The following UBE2E2 variants were observed in gnomAD, a reference collection of about 807,000 sequenced individuals.
UBE2E2 encodes the protein ubiquitin-conjugating enzyme E2 E2.
Under a neutral mutation model 24.7 loss-of-function variants are expected in UBE2E2, and 6 were observed. The observed-to-expected ratio is 0.24, with a 90% confidence interval of 0.13 to 0.48. UBE2E2 has a LOEUF of 0.48. UBE2E2 is among the 20% of genes least tolerant of loss of function. The probability of loss-of-function intolerance (pLI) is 0.99; values close to 1 mark genes in which losing one functional copy is unlikely to be tolerated. For missense variants in UBE2E2, 169 were observed against 245.0 expected (o/e 0.69, Z 2.07); for synonymous variants, 104 against 83.6 (o/e 1.24, Z -1.33).
intron 3 of UBE2E2, among the ~76,000 whole-genome samples, chr3:23,457,386 A>C (rs1034226500): frequency 6.6e-6 from 1 of 152,200 alleles, no homozygotes; most frequent in African/African-American, 2.4e-5. Flanking sequence ...GTGGATACCC[A>C]AAAACCCAGG....
In UBE2E2 at chr3:23,302,920, A is replaced by G. The variant is rs1213671663; in HGVS notation, c.227+85608A>G. Among the ~76,000 whole-genome samples the G allele has an allele frequency of 2.0e-5, 3 of 152,180 alleles. No homozygotes were observed. In the East Asian group the frequency reaches 5.8e-4, roughly 29 times the overall value. ...ATTTTTCTCCTTTGTGTTGATTTTA[A>G]AACAATGAAACACATAAACCAGGGG... is the stretch of plus-strand genomic sequence containing the variant. On this transcript the variant is annotated intron_variant, in intron 3 of 5. Coordinates refer to ENST00000396703, the MANE Select transcript of UBE2E2 (RefSeq NM_152653.4).
intron 3 of UBE2E2, among the ~76,000 whole-genome samples, chr3:23,389,015 A>AG (rs1559369647): frequency 6.8e-6 from 1 of 148,136 alleles, no homozygotes; most frequent in East Asian, 1.9e-4. Flanking sequence ...AAAAAAAAAA[A>AG]AAAGAAAAAG....
Position 23,280,401 on chromosome 3 carries a change from G to C in UBE2E2, c.227+63089G>C, listed in dbSNP as rs1284032077. ...CCTCCTACAGAGAAGTGTTGACATG[G>C]ATCAGGATCACACTGGTGCCACTTT... On this transcript the variant is annotated intron_variant, in intron 3 of 5. Coordinates refer to ENST00000396703, the MANE Select transcript of UBE2E2 (RefSeq NM_152653.4). The surrounding 1 kb of genome is among the most constrained non-coding windows in gnomAD (Gnocchi z 4.3). Among the ~76,000 whole-genome samples the C allele has an allele frequency of 6.6e-6, 1 of 152,214 alleles. No individual in the cohort carries two copies. Among genetic ancestry groups the C allele is most frequent in the Non-Finnish European group, 1.5e-5 (1 of 68,042 alleles).
chr3:23,358,357 G>A (rs2036044), intron 3 of UBE2E2, among the ~76,000 whole-genome samples: 127,063 of 152,176 alleles, frequency 0.83, 53,093 homozygotes, highest in African/African-American at 0.88. Context: ...CACAGAACCA[G>A]TGGTGATGGT....
At chr3:23,267,050 A>G (rs1317226035) in intron 3 of UBE2E2, among the ~76,000 whole-genome samples, 1 of 152,186 alleles carries the variant, frequency 6.6e-6, no homozygotes. Context: ...GACACATTCA[A>G]AGCAGTGTGT....
At chr3:23,301,900 C>A (rs1285572969) in intron 3 of UBE2E2, among the ~76,000 whole-genome samples, 1 of 152,170 alleles carries the variant, frequency 6.6e-6, no homozygotes, top group Non-Finnish European at 1.5e-5. Context: ...ATCTTGGCTC[C>A]TCCCCTTCCT....
chr3:23,412,509 C>T (rs774674678), intron 3 of UBE2E2, among the ~76,000 whole-genome samples: 4 of 152,126 alleles, frequency 2.6e-5, no homozygotes, highest in Non-Finnish European at 5.9e-5. Context: ...AGGTAGGCTG[C>T]TAGTAGAATT....
chr3:23,384,685 G>GGC, intron 3 of UBE2E2, among the ~76,000 whole-genome samples: 1 of 152,244 alleles, frequency 6.6e-6, no homozygotes, highest in East Asian at 1.9e-4. Context: ...TGGGACTACA[G>GGC]GCACATGCCA....
At chr3:23,264,763 A>C (rs1203566162) in intron 3 of UBE2E2, among the ~76,000 whole-genome samples, 3 of 152,216 alleles carry the variant, frequency 2.0e-5, no homozygotes, top group Non-Finnish European at 4.4e-5. Flanking sequence ...AGCAGATAAT[A>C]TATTTAAGAT....
At chr3:23,222,332 T>C (rs1472540271) in intron 3 of UBE2E2, among the ~76,000 whole-genome samples, 6 of 152,224 alleles carry the variant, frequency 3.9e-5, no homozygotes, top group African/African-American at 1.2e-4. Flanking sequence ...ATCTCTTTGA[T>C]ACATTAATCT....
At chr3:23,486,331 GAAAGCTCA>G (rs1699370849) in intron 3 of UBE2E2, among the ~76,000 whole-genome samples, 1 of 152,162 alleles carries the variant, frequency 6.6e-6, no homozygotes, top group African/African-American at 2.4e-5. Context: ...AGTGGCACCT[GAAAGCTCA>G]GAGATGCCAG....
intron 3 of UBE2E2, among the ~76,000 whole-genome samples, chr3:23,479,333 G>A (rs933072762): frequency 7.9e-5 from 12 of 152,126 alleles, no homozygotes; most frequent in African/African-American, 2.4e-4. Flanking sequence ...TAGATCAGAC[G>A]TACCACAAGT....
intron 3 of UBE2E2, among the ~76,000 whole-genome samples, chr3:23,476,776 A>G (rs1699147778): frequency 6.6e-6 from 1 of 152,178 alleles, no homozygotes; most frequent in South Asian, 2.1e-4. Context: ...TTAATAAACT[A>G]TTCTTTGTTA....
intron 3 of UBE2E2, among the ~76,000 whole-genome samples, chr3:23,366,879 G>A (rs1439118222): frequency 6.6e-6 from 1 of 152,140 alleles, no homozygotes; most frequent in Non-Finnish European, 1.5e-5. Context: ...AAGAAAATTT[G>A]TATAACAGAA....
chr3:23,377,740 C>A (rs904578115), intron 3 of UBE2E2, among the ~76,000 whole-genome samples: 2 of 152,186 alleles, frequency 1.3e-5, no homozygotes, highest in African/African-American at 4.8e-5. Flanking sequence ...CAGTTTATCC[C>A]CCTTAGGGAT....
chr3:23,492,874 A>G (rs1354572455), intron 3 of UBE2E2, among the ~76,000 whole-genome samples: 1 of 152,174 alleles, frequency 6.6e-6, no homozygotes, highest in Non-Finnish European at 1.5e-5. Context: ...CACATTAAAA[A>G]GAAGAAAAAA....
chr3:23,371,916 A>G (rs1024216527), intron 3 of UBE2E2, among the ~76,000 whole-genome samples: 2 of 152,010 alleles, frequency 1.3e-5, no homozygotes, highest in Non-Finnish European at 2.9e-5. Flanking sequence ...TCAGGAGTTC[A>G]AGACCAGCCT....
Position 23,364,301 on chromosome 3 carries a change from T to C in UBE2E2, c.228-135307T>C, listed in dbSNP as rs185447048. On this transcript the variant is annotated intron_variant, in intron 3 of 5. Transcript: ENST00000396703. Reference sequence around the variant, plus strand: ...AGAGCTGAAATGAAGGAAACTGAGATGTAAAAAACCATACAAAAGATCAAC... The same window carrying C: ...AGAGCTGAAATGAAGGAAACTGAGACGTAAAAAACCATACAAAAGATCAAC... Among the ~76,000 whole-genome samples, 259 of 152,010 alleles carry C rather than the reference T, an allele frequency of 1.7e-3. 1 individual carries two copies. Among genetic ancestry groups the C allele is most frequent in the African/African-American group, 6.0e-3 (250 of 41,470 alleles).
intron 3 of UBE2E2, among the ~76,000 whole-genome samples, chr3:23,489,832 A>C (rs964832376): frequency 6.6e-6 from 1 of 152,100 alleles, no homozygotes; most frequent in East Asian, 1.9e-4. Context: ...CTGACCCTTA[A>C]TATTATCGCC....
Sources: allele counts gnomAD v4.1 joint callset (sites outside exome capture counted in the v4.1 genomes callset), GRCh38; gene constraint gnomAD v4.1.1; non-coding constraint Gnocchi (gnomAD v3.1); transcripts MANE v1.5; gene names NCBI Gene and HGNC (gene_info 2026-07-23, HGNC 2026-07-21).